The following FAF1 variants were observed in gnomAD, a reference collection of about 807,000 sequenced individuals.
The protein encoded by FAF1 is Fas associated factor 1.
A neutral mutation model predicts 92.5 loss-of-function variants in FAF1; 25 were observed. The ratio of observed to expected loss-of-function variants is 0.27; its 90% CI spans 0.20 to 0.38. FAF1 has a LOEUF of 0.38. FAF1 is among the 10% of genes least tolerant of loss of function. The probability of loss-of-function intolerance (pLI) is 1.00; values close to 1 mark genes in which losing one functional copy is unlikely to be tolerated. For missense variants in FAF1, 636 were observed against 793.3 expected (o/e 0.80, Z 2.38); for synonymous variants, 234 against 273.2 (o/e 0.86, Z 1.42).
intron 1 of FAF1, among the ~76,000 whole-genome samples, chr1:50,941,019 T>C (rs532081223): frequency 6.6e-6 from 1 of 151,782 alleles, no homozygotes; most frequent in East Asian, 1.9e-4. Context: ...TGGATGCAGT[T>C]TGGGGTTTTT....
intron 2 of FAF1, among the ~76,000 whole-genome samples, chr1:50,836,951 C>CTTTTTTTTTTTT (rs528322924): frequency 1.3e-5 from 1 of 76,706 alleles, no homozygotes; most frequent in Non-Finnish European, 2.4e-5. Context: ...TGTTATGTTT[C>CTTTTTTTTTTTT]TTTTTTTTTT....
At chr1:50,705,973 G>A (rs1205100672) in intron 6 of FAF1, 82 bp from the exon 7 acceptor site, 3 of 754,880 alleles carry the variant, frequency 4.0e-6, no homozygotes, top group African/African-American at 1.7e-5. Context: ...AAAACCCCAG[G>A]AGTACCCTAA....
rs1272047034 is a variant in FAF1, at chr1:50,437,712, G to A, written c.*3728C>T. 3 of 151,976 alleles carry A rather than the reference G, an allele frequency of 2.0e-5. No homozygotes were observed. The highest frequency in any genetic ancestry group is 1.9e-4 in the East Asian group (1 of 5,188). 9.4% of individuals were successfully genotyped at this position (151,976 alleles called of 1,614,324 possible). A position where few individuals can be genotyped will look rare whatever the true frequency, so the allele number is the denominator to read the frequency against. Reference sequence around the variant, plus strand: ...ACAACTGTAGAGGATTCCAAGATCCGTTCTTGAATATAAAATTTAGAGATT... The same window carrying A: ...ACAACTGTAGAGGATTCCAAGATCCATTCTTGAATATAAAATTTAGAGATT... On this transcript the variant is annotated 3_prime_UTR_variant, in exon 19 of 19. Coordinates refer to ENST00000396153, the MANE Select transcript of FAF1 (RefSeq NM_007051.3).
At chr1:50,917,706 A>T (rs1368615386) in intron 1 of FAF1, among the ~76,000 whole-genome samples, 1 of 151,366 alleles carries the variant, frequency 6.6e-6, no homozygotes, top group Non-Finnish European at 1.5e-5. Flanking sequence ...AAGGAAAAGA[A>T]AGAAAACCAA....
At chr1:50,494,647 T>C (rs763405131) in intron 15 of FAF1, among the ~76,000 whole-genome samples, 32 of 152,214 alleles carry the variant, frequency 2.1e-4, no homozygotes, top group Admixed American at 4.6e-4. Context: ...ACTGCTCTCA[T>C]ATTGCGCTGT....
At chr1:50,683,828 A>C (rs553212222) in intron 7 of FAF1, among the ~76,000 whole-genome samples, 8 of 151,694 alleles carry the variant, frequency 5.3e-5, no homozygotes, top group Non-Finnish European at 1.2e-4. Flanking sequence ...GCTACTCGGG[A>C]GGCTGAGGCA....
intron 15 of FAF1, among the ~76,000 whole-genome samples, chr1:50,514,227 C>G (rs965207511): frequency 6.6e-6 from 1 of 152,186 alleles, no homozygotes; most frequent in South Asian, 2.1e-4. Context: ...AGACCTTAAG[C>G]AAACTGAAGA....
chr1:50,452,254 C>G, intron 18 of FAF1: 1 of 834,936 alleles, frequency 1.2e-6, no homozygotes, highest in Non-Finnish European at 1.7e-6. Flanking sequence ...AATTTGCAAG[C>G]TCATTGCCCC....
At chr1:50,804,110 A>T (rs1662101631) in intron 2 of FAF1, among the ~76,000 whole-genome samples, 1 of 152,178 alleles carries the variant, frequency 6.6e-6, no homozygotes, top group African/African-American at 2.4e-5. Flanking sequence ...ATGTGTATTA[A>T]TTGCCAACTA....
intron 1 of FAF1, among the ~76,000 whole-genome samples, chr1:50,959,173 CAG>C (rs1439972332): frequency 6.6e-6 from 1 of 152,190 alleles, no homozygotes; most frequent in African/African-American, 2.4e-5. Context: ...GAATTCATTG[CAG>C]AGATACTCTG....
chr1:50,766,705 A>G (rs367679277), intron 4 of FAF1, among the ~76,000 whole-genome samples: 2 of 151,728 alleles, frequency 1.3e-5, no homozygotes, highest in South Asian at 4.2e-4. Context: ...AAGGGAAACA[A>G]AGTCAGTTGA....
At position 50,529,593 on chromosome 1, in the gene FAF1, T is replaced by C. The variant is rs115688798; in HGVS notation, c.1494+5776A>G. 8.7e-3 allele frequency among the ~76,000 whole-genome samples: 1,321 copies of C among 152,258 alleles called. 20 individuals carry two copies. The highest frequency in any genetic ancestry group is 0.03 in the African/African-American group (1,254 of 41,566). On this transcript the variant is annotated intron_variant, in intron 15 of 18. Coordinates refer to ENST00000396153, the MANE Select transcript of FAF1 (RefSeq NM_007051.3). Reference sequence around the variant, plus strand: ...AGTTCAGGAATCACACTGAGAAACATTGCCCCAGAAGAAAGAACCCAGCAT... The same window carrying C: ...AGTTCAGGAATCACACTGAGAAACACTGCCCCAGAAGAAAGAACCCAGCAT...
At chr1:50,616,039 A>C (rs762245551) in intron 8 of FAF1, among the ~76,000 whole-genome samples, 14 of 152,150 alleles carry the variant, frequency 9.2e-5, no homozygotes, top group Non-Finnish European at 1.5e-4. Flanking sequence ...GTATATTATA[A>C]AATTTAAGGT....
intron 2 of FAF1, 66 bp downstream of exon 2, chr1:50,857,863 A>G: frequency 9.9e-7 from 1 of 1,012,992 alleles, no homozygotes; most frequent in Non-Finnish European, 1.5e-6. Context: ...TCTATAAAAA[A>G]TAATTAAAGA....
chr1:50,942,874 G>A (rs1305727566), intron 1 of FAF1, among the ~76,000 whole-genome samples: 1 of 152,100 alleles, frequency 6.6e-6, no homozygotes, highest in African/African-American at 2.4e-5. Context: ...TGTGCTTAGG[G>A]AATGTGAATC....
Position 50,546,850 on chromosome 1 carries a change from T to A in FAF1, c.1269-7122A>T, listed in dbSNP as rs144072197. Reference sequence around the variant, plus strand: ...CTGGTAAAAGAGCAAGTCCCTTACATGAAGAAAAACTGCATGTAATCCCAA... The same window carrying A: ...CTGGTAAAAGAGCAAGTCCCTTACAAGAAGAAAAACTGCATGTAATCCCAA... On this transcript the variant is annotated intron_variant, in intron 13 of 18. Coordinates refer to ENST00000396153, the MANE Select transcript of FAF1 (RefSeq NM_007051.3). 3.0e-3 allele frequency among the ~76,000 whole-genome samples: 463 copies of A among 152,286 alleles called. 4 individuals carry two copies. The highest frequency in any genetic ancestry group is 0.01 in the African/African-American group (429 of 41,566).
chr1:50,868,522 C>A (rs866946252), intron 1 of FAF1, among the ~76,000 whole-genome samples: 1 of 151,994 alleles, frequency 6.6e-6, no homozygotes, highest in African/African-American at 2.4e-5. Flanking sequence ...CCCTTCTTCC[C>A]TTCTAATGTA....
At chr1:50,707,983 T>C (rs1176253456) in intron 6 of FAF1, among the ~76,000 whole-genome samples, 1 of 152,230 alleles carries the variant, frequency 6.6e-6, no homozygotes, top group Non-Finnish European at 1.5e-5. Flanking sequence ...TTAATTTTTG[T>C]ATTTTTAGTA....
chr1:50,862,691 G>C (rs914126905), intron 1 of FAF1, among the ~76,000 whole-genome samples: 10 of 151,644 alleles, frequency 6.6e-5, no homozygotes, highest in Non-Finnish European at 1.2e-4. Context: ...AAGGTAAAGG[G>C]GAAAGATATT....
Sources: gnomAD v4.1 joint callset for allele counts (sites outside exome capture counted in the v4.1 genomes callset) on GRCh38, gnomAD v4.1.1 for gene constraint, MANE v1.5 for transcripts, NCBI Gene and HGNC (gene_info 2026-07-23, HGNC 2026-07-21) for gene names.